The following CHRDL2 variants were observed in gnomAD, a reference collection of about 807,000 sequenced individuals.
CHRDL2 encodes the protein chordin like 2.
Under a neutral mutation model 54.3 loss-of-function variants are expected in CHRDL2, and 41 were observed. The observed-to-expected ratio is 0.76, with a 90% CI of 0.59 to 0.98. CHRDL2 has a LOEUF of 0.98. CHRDL2 is among the 50% of genes least tolerant of loss of function. The probability of loss-of-function intolerance (pLI) is 0.00; values close to 1 mark genes in which losing one functional copy is unlikely to be tolerated. For missense variants in CHRDL2, 518 were observed against 562.4 expected (o/e 0.92, Z 0.80); for synonymous variants, 220 against 224.3 (o/e 0.98, Z 0.17).
chr11:74,702,759 G>C (rs1258866557), intron 9 of CHRDL2, 35 bp downstream of exon 9: 3 of 1,612,088 alleles, frequency 1.9e-6, no homozygotes, highest in Non-Finnish European at 2.5e-6. Flanking sequence ...GGACTGGCCA[G>C]AGGTACACCC....
chr11:74,705,402 C>T (rs1315020913), intron 6 of CHRDL2, among the ~76,000 whole-genome samples: 1 of 152,196 alleles, frequency 6.6e-6, no homozygotes, highest in Non-Finnish European at 1.5e-5. Context: ...CACATTCCTT[C>T]TTCTAGAGCC....
intron 2 of CHRDL2, among the ~76,000 whole-genome samples, chr11:74,714,444 C>G (rs905862878): frequency 6.6e-6 from 1 of 152,212 alleles, no homozygotes; most frequent in African/African-American, 2.4e-5. Flanking sequence ...CGCTTCTCCC[C>G]CTGGTTCCTT....
chr11:74,702,664 G>C lies in CHRDL2; in HGVS notation c.1120+130C>G, dbSNP rs1355822943. ...ATCTTCCTGCATCTTGGAATCAGGG[G>C]CTCTTAAACCTGGCGGGGCAGCCAG... On this transcript the variant is annotated intron_variant, in intron 9 of 10. Transcript: ENST00000376332. The C allele has an allele frequency of 1.7e-5, 14 of 810,046 alleles. No individual in the cohort carries two copies. In the Admixed American group the frequency reaches 3.2e-4, roughly 19 times the overall value. 50.2% of individuals were successfully genotyped at this position (810,046 alleles called of 1,614,324 possible).
intron 9 of CHRDL2, 41 bp downstream of exon 9, chr11:74,702,753 T>C (rs754763274): frequency 1.7e-5 from 28 of 1,607,240 alleles, no homozygotes; most frequent in Non-Finnish European, 2.1e-5. Context: ...GAAGGGGGAC[T>C]GGCCAGAGGT....
intron 1 of CHRDL2, among the ~76,000 whole-genome samples, chr11:74,725,192 C>G (rs2034554836): frequency 6.6e-6 from 1 of 152,124 alleles, no homozygotes; most frequent in South Asian, 2.1e-4. Context: ...GGGGTTTCAC[C>G]ATGTTGGCCA....
At chr11:74,723,660 C>T (rs1054906696) in intron 1 of CHRDL2, among the ~76,000 whole-genome samples, 5 of 152,152 alleles carry the variant, frequency 3.3e-5, no homozygotes, top group Non-Finnish European at 4.4e-5. Flanking sequence ...CCTTGCAATA[C>T]TGCAACAGTT....
chr11:74,718,007 C>T (rs1233618147), intron 2 of CHRDL2, among the ~76,000 whole-genome samples: 1 of 152,104 alleles, frequency 6.6e-6, no homozygotes, highest in Non-Finnish European at 1.5e-5. Context: ...TTTACAAGGC[C>T]CTGTGGAGGT....
chr11:74,728,269 G>A (rs1034699504), intron 1 of CHRDL2, among the ~76,000 whole-genome samples: 9 of 152,146 alleles, frequency 5.9e-5, no homozygotes, highest in African/African-American at 2.2e-4. Flanking sequence ...ATTTCCATCC[G>A]TTAGCACTGT....
At chr11:74,698,579 C>T (rs1400783491) in intron 9 of CHRDL2, 1 of 152,180 alleles carries the variant, frequency 6.6e-6, no homozygotes, top group East Asian at 1.9e-4. Flanking sequence ...GGGCTCTCCT[C>T]TCTGGGTCCC....
intron 2 of CHRDL2, among the ~76,000 whole-genome samples, chr11:74,714,109 T>C (rs934864299): frequency 2.0e-5 from 3 of 151,114 alleles, no homozygotes; most frequent in Admixed American, 6.6e-5. Flanking sequence ...CGAGGCAGAG[T>C]GGCCACCACC....
At chr11:74,708,455 T>C in intron 4 of CHRDL2, 60 bp from the exon 5 acceptor site, 1 of 1,287,070 alleles carries the variant, frequency 7.8e-7, no homozygotes. Flanking sequence ...CCTTGGGGGC[T>C]AGGAACACCC....
intron 1 of CHRDL2, among the ~76,000 whole-genome samples, chr11:74,723,891 CTG>C (rs747144033): frequency 2.0e-4 from 31 of 152,152 alleles, no homozygotes; most frequent in Non-Finnish European, 3.8e-4. Context: ...TCACAGGAAA[CTG>C]AGACCTCAGA....
At chr11:74,698,374 G>A (rs1008063342) in intron 9 of CHRDL2, 2 of 152,032 alleles carry the variant, frequency 1.3e-5, no homozygotes, top group Non-Finnish European at 2.9e-5. Flanking sequence ...ACCTGGCCAC[G>A]ACTTCTACTA....
intron 1 of CHRDL2, among the ~76,000 whole-genome samples, chr11:74,729,021 G>C (rs1473814601): frequency 6.6e-6 from 1 of 152,194 alleles, no homozygotes; most frequent in African/African-American, 2.4e-5. Context: ...CAAGTCACCG[G>C]GGAGAGTTTG....
Position 74,725,120 on chromosome 11 carries a change from G to C in CHRDL2, c.82+5687C>G, listed in dbSNP as rs569209074. 7.9e-5 allele frequency among the ~76,000 whole-genome samples: 12 copies of C among 152,224 alleles called. No individual in the cohort carries two copies. The South Asian group carries it at 2.3e-3, about 29-fold the overall frequency. On this transcript the variant is annotated intron_variant, in intron 1 of 10. Coordinates refer to ENST00000376332, the MANE Select transcript of CHRDL2 (RefSeq NM_001278473.3). ...GCGATTCTCCTGCCTCAGCCTCCGA[G>C]TAGCTGGGACTACAGGTGAGTGCCA...
Position 74,713,490 on chromosome 11 carries a change from C to A in CHRDL2, c.196-11G>T. The A allele has an allele frequency of 6.2e-7, 1 of 1,611,144 alleles. No individual in the cohort carries two copies. The highest frequency in any genetic ancestry group is 1.1e-5 in the South Asian group (1 of 90,972). ...ACTCACATGGGCGCCCTGAAGGGGA[C>A]ACAAGGGTCAGCCCTGGTTCAAAGA... On this transcript the variant is annotated splice_polypyrimidine_tract_variant and intron_variant, in intron 2 of 10. Coordinates refer to ENST00000376332, the MANE Select transcript of CHRDL2 (RefSeq NM_001278473.3).
At chr11:74,710,772 G>A in intron 4 of CHRDL2, 77 bp downstream of exon 4, 2 of 1,509,470 alleles carry the variant, frequency 1.3e-6, no homozygotes, top group African/African-American at 1.4e-5. Flanking sequence ...AATCCCCCCA[G>A]TCCGCAGTCC....
rs377286314 is a variant in CHRDL2 at position 74,706,480 on chromosome 11, C to A, written c.582+7G>T. 6 of 1,613,910 alleles carry A rather than the reference C, an allele frequency of 3.7e-6. No individual in the cohort carries two copies. The highest frequency in any genetic ancestry group is 4.2e-6 in the Non-Finnish European group (5 of 1,179,826). On this transcript the variant is annotated splice_region_variant and intron_variant, in intron 6 of 10. Coordinates refer to ENST00000376332, the MANE Select transcript of CHRDL2 (RefSeq NM_001278473.3). Reference sequence around the variant, plus strand: ...CCCGCACCCCGTCAATAAGGCCGTGCACTCACCACCCCATGGAGCGACTGC... The same window carrying A: ...CCCGCACCCCGTCAATAAGGCCGTGAACTCACCACCCCATGGAGCGACTGC...
At chr11:74,700,667 C>T (rs557956901) in intron 9 of CHRDL2, among the ~76,000 whole-genome samples, 24 of 146,142 alleles carry the variant, frequency 1.6e-4, no homozygotes, top group Non-Finnish European at 3.1e-4. Flanking sequence ...GAGACGGAGT[C>T]TCACTCTGTC....
Sources: allele counts gnomAD v4.1 joint callset (sites outside exome capture counted in the v4.1 genomes callset), GRCh38; gene constraint gnomAD v4.1.1; transcripts MANE v1.5; gene names NCBI Gene and HGNC (gene_info 2026-07-23, HGNC 2026-07-21).